Variants in ERCC8 observed in about 807,000 individuals in gnomAD.
ERCC8 encodes ERCC excision repair 8, CSA ubiquitin ligase complex subunit, also known as DNA excision repair protein ERCC-8.
Under a neutral mutation model 54.9 loss-of-function variants are expected in ERCC8, and 52 were observed. The ratio of observed to expected loss-of-function variants is 0.95; its 90% CI spans 0.76 to 1.19. ERCC8 has a LOEUF of 1.19. ERCC8 is among the 50% of genes most tolerant of loss of function. The pLI is 0.00. For missense variants in ERCC8, 514 were observed against 466.1 expected, an observed-to-expected ratio of 1.10 and a Z score of -0.95; for synonymous variants, 146 against 157.2, an observed-to-expected ratio of 0.93 and a Z score of 0.53.
At chr5:60,944,861 TG>T in intron 1 of ERCC8, 70 bp downstream of exon 1, 1 of 1,121,660 alleles carries the variant, frequency 8.9e-7, no homozygotes, top group Non-Finnish European at 1.4e-6. Flanking sequence ...CGGGAAAGTG[TG>T]GGGCAAAGCT....
intron 10 of ERCC8, among the ~76,000 whole-genome samples, chr5:60,889,085 T>C (rs1297217995): frequency 6.6e-6 from 1 of 152,242 alleles, no homozygotes; most frequent in Admixed American, 6.5e-5. Context: ...GCTTGTCTTA[T>C]GTTTCCTCAT....
At chr5:60,944,852 G>A (rs1750387137) in intron 1 of ERCC8, 80 bp downstream of exon 1, 4 of 1,041,582 alleles carry the variant, frequency 3.8e-6, no homozygotes, top group African/African-American at 1.6e-5. Context: ...GCGATGAGAC[G>A]GGAAAGTGTG....
At chr5:60,927,590 C>T (rs900611968) in intron 2 of ERCC8, among the ~76,000 whole-genome samples, 6 of 152,198 alleles carry the variant, frequency 3.9e-5, no homozygotes, top group Non-Finnish European at 8.8e-5. Context: ...TGGTAGTCTA[C>T]TGGCTTCTCA....
At chr5:60,912,520 AATCATGTC>A (rs1749299906) in intron 4 of ERCC8, among the ~76,000 whole-genome samples, 1 of 152,122 alleles carries the variant, frequency 6.6e-6, no homozygotes, top group African/African-American at 2.4e-5. Context: ...CTAGATATAG[AATCATGTC>A]ATCTGCAAAC....
At chr5:60,924,435 A>G (rs1749691201) in intron 2 of ERCC8, 1 of 154,482 alleles carries the variant, frequency 6.5e-6, no homozygotes, top group South Asian at 2.0e-4. Flanking sequence ...TGTATCTGAA[A>G]TCAGTTTGGC....
intron 2 of ERCC8, among the ~76,000 whole-genome samples, chr5:60,924,674 G>T (rs1561512983): frequency 6.6e-6 from 1 of 152,060 alleles, no homozygotes. Context: ...TCTATCATAT[G>T]TTATGCTGGA....
chr5:60,942,402 G>T (rs1442425040), intron 1 of ERCC8, among the ~76,000 whole-genome samples: 1 of 152,102 alleles, frequency 6.6e-6, no homozygotes, highest in Non-Finnish European at 1.5e-5. Context: ...AAACAACTCA[G>T]ATGTCCATCG....
At chr5:60,900,481 C>CA (rs1470356250) in intron 7 of ERCC8, among the ~76,000 whole-genome samples, 1 of 151,970 alleles carries the variant, frequency 6.6e-6, no homozygotes, top group African/African-American at 2.4e-5. Context: ...GGGGGCTTAT[C>CA]AATGCCATTT....
Position 60,944,016 on chromosome 5 carries a change from C to T in ERCC8, c.77+916G>A, listed in dbSNP as rs116250584. 7.2e-3 allele frequency among the ~76,000 whole-genome samples: 1,101 copies of T among 152,316 alleles called. 10 individuals carry two copies. Among genetic ancestry groups the T allele is most frequent in the African/African-American group, 0.025 (1,055 of 41,550 alleles). ...TGTGTTCTCCAAGTAAATATCTTCA[C>T]AGGTTCCTCAATTAATGTGGGCAAA... On this transcript the variant is annotated intron_variant, in intron 1 of 11. Coordinates refer to ENST00000676185, the MANE Select transcript of ERCC8 (RefSeq NM_000082.4).
At chr5:60,939,225 T>A (rs534034940) in intron 1 of ERCC8, among the ~76,000 whole-genome samples, 16 of 152,332 alleles carry the variant, frequency 1.1e-4, no homozygotes. Flanking sequence ...CGCAGCCATA[T>A]TATATATTTC....
intron 1 of ERCC8, among the ~76,000 whole-genome samples, chr5:60,936,152 A>G (rs534358902): frequency 6.6e-6 from 1 of 152,066 alleles, no homozygotes; most frequent in African/African-American, 2.4e-5. Flanking sequence ...GTCTGTACCT[A>G]AACTTTTTTT....
intron 11 of ERCC8, among the ~76,000 whole-genome samples, chr5:60,882,580 G>T (rs1446371261): frequency 6.6e-6 from 1 of 151,966 alleles, no homozygotes; most frequent in East Asian, 1.9e-4. Context: ...GTAGAGATGG[G>T]GTTTCACCAT....
intron 1 of ERCC8, among the ~76,000 whole-genome samples, chr5:60,930,100 T>C (rs1187415036): frequency 6.6e-6 from 1 of 152,214 alleles, no homozygotes; most frequent in East Asian, 1.9e-4. Context: ...AAGATATACA[T>C]GGCCCTTTGT....
At position 60,867,690 on chromosome 5, in the gene ERCC8, G is replaced by A. The variant is rs996675197; in HGVS notation, c.*6925C>T. 3.3e-5 allele frequency among the ~76,000 whole-genome samples: 5 copies of A among 152,204 alleles called. No homozygotes were observed. Among genetic ancestry groups the A allele is most frequent in the Admixed American group, 3.3e-4 (5 of 15,288 alleles). On this transcript the variant is annotated 3_prime_UTR_variant, in exon 12 of 12. Transcript: ENST00000676185. The stretch of plus-strand genomic sequence containing the variant: ...ACACAATAGTGGATGATACCATCAT[G>A]CAGGGTGTAGAGAAGCTGGAATTAA...
intron 9 of ERCC8, chr5:60,893,685 C>T: frequency 2.2e-6 from 1 of 462,022 alleles, no homozygotes; most frequent in South Asian, 3.2e-5. Context: ...CTGCTAGGCT[C>T]CGGACTTCTG....
intron 11 of ERCC8, among the ~76,000 whole-genome samples, chr5:60,876,515 A>G (rs1446797200): frequency 1.3e-5 from 2 of 152,058 alleles, no homozygotes; most frequent in African/African-American, 4.8e-5. Context: ...AACTGTTCCT[A>G]TTTCTCCACA....
chr5:60,903,378 T>C (rs1338467122), intron 6 of ERCC8: 1 of 403,414 alleles, frequency 2.5e-6, no homozygotes, highest in African/African-American at 2.1e-5. Flanking sequence ...ATTAGTCTTT[T>C]TAATGTAGAA....
rs764937712 is a variant in ERCC8, at chr5:60,903,707, C to T, written c.491G>A (p.Arg164Lys). The T allele has an allele frequency of 1.2e-6, 2 of 1,612,472 alleles. No individual in the cohort carries two copies. Among genetic ancestry groups the T allele is most frequent in the South Asian group, 1.1e-5 (1 of 91,000 alleles). ...TKHCLVAVGT[R>K]GPKVQLCDLK... ...GTCACAAAGTTGTACTTTGGGTCCT[C>T]TAGTACCAACTGTAAAAACAGAACC... Residue 164 changes from arginine (R) to lysine (K), a missense_variant, in exon 6 of 12, where the codon AGA becomes AAA. Physicochemically the swap from Arg to Lys is conservative, Grantham distance 26 (BLOSUM62 2). Coordinates refer to ENST00000676185, the MANE Select transcript of ERCC8 (RefSeq NM_000082.4).
chr5:60,907,355 C>CT (rs34477732), intron 4 of ERCC8: 74,786 of 131,202 alleles, frequency 0.57, 22,457 homozygotes, highest in East Asian at 0.93. Flanking sequence ...AAACATGATT[C>CT]TTTTTTTTTT....
Sources: allele counts gnomAD v4.1 joint callset (sites outside exome capture counted in the v4.1 genomes callset), GRCh38; gene constraint gnomAD v4.1.1; transcripts MANE v1.5; gene names NCBI Gene and HGNC (gene_info 2026-07-23, HGNC 2026-07-21).